FIP1L1: variants seen among roughly 807,000 people sequenced by gnomAD.
The protein encoded by FIP1L1 is factor interacting with PAPOLA and CPSF1, also known as pre-mRNA 3'-end-processing factor FIP1.
A neutral mutation model predicts 84.6 loss-of-function variants in FIP1L1; 21 were observed. That is an observed-to-expected ratio of 0.25 (90% CI 0.18 to 0.36). The LOEUF (loss-of-function observed/expected upper bound fraction) is 0.36, where lower values mean the gene tolerates loss of function less well. Ranked by LOEUF, FIP1L1 falls within the 10% of genes least tolerant of loss-of-function variation. FIP1L1 has a pLI of 1.00. For synonymous variants in FIP1L1, 263 were observed against 242.3 expected (o/e 1.09, Z -0.80); for missense variants, 526 against 751.1 (o/e 0.70, Z 3.50).
rs201475947 is a variant in FIP1L1 at position 53,452,905 on chromosome 4, G to T, written c.1286-15G>T. 2.4e-5 allele frequency: 39 copies of T among 1,608,052 alleles called. No individual in the cohort carries two copies. The highest frequency in any genetic ancestry group is 3.3e-5 in the Admixed American group (2 of 59,916). On this transcript the variant is annotated splice_polypyrimidine_tract_variant and intron_variant, in intron 15 of 17. Transcript: ENST00000337488. ...AGTACCATAACGTTTGTTTTTAATC[G>T]TGTTTTTTCTTTAGTTGCCTTTCCC...
chr4:53,451,164 T>C (rs1377058897), intron 15 of FIP1L1, among the ~76,000 whole-genome samples: 3 of 151,502 alleles, frequency 2.0e-5, no homozygotes, highest in African/African-American at 7.3e-5. Context: ...AGAGACAGGG[T>C]TTCACTATGT....
intron 13 of FIP1L1, among the ~76,000 whole-genome samples, chr4:53,434,829 C>T (rs577996182): frequency 6.6e-6 from 1 of 152,254 alleles, no homozygotes; most frequent in East Asian, 1.9e-4. Context: ...TCTCAGGGAC[C>T]TCCGGGAATT....
At chr4:53,397,490 C>T (rs1379477187) in intron 9 of FIP1L1, among the ~76,000 whole-genome samples, 1 of 152,154 alleles carries the variant, frequency 6.6e-6, no homozygotes, top group Non-Finnish European at 1.5e-5. Context: ...GATGTCTGTG[C>T]TGTTTTCTTC....
chr4:53,450,030 T>G (rs1410797678), intron 15 of FIP1L1, among the ~76,000 whole-genome samples: 1 of 152,166 alleles, frequency 6.6e-6, no homozygotes, highest in African/African-American at 2.4e-5. Flanking sequence ...AAAAACCAAC[T>G]TTCAGTTTTT....
chr4:53,391,899 A>G (rs999447911), intron 9 of FIP1L1, among the ~76,000 whole-genome samples: 1 of 152,214 alleles, frequency 6.6e-6, no homozygotes, highest in Non-Finnish European at 1.5e-5. Flanking sequence ...GTTTATCTCT[A>G]TGACACTTAT....
chr4:53,382,186 G>A (rs570690766), intron 3 of FIP1L1, 92 bp from the exon 4 acceptor site: 45 of 834,054 alleles, frequency 5.4e-5, no homozygotes, highest in Admixed American at 8.8e-5. Context: ...ATAATTTTAG[G>A]AGCTTTATTA....
chr4:53,425,786 CATTTT>C (rs1578774528), intron 11 of FIP1L1, 81 bp from the exon 12 acceptor site: 2 of 908,350 alleles, frequency 2.2e-6, no homozygotes, highest in East Asian at 5.4e-5. Context: ...ATTGCAAACA[CATTTT>C]GTTTTTATTT....
At chr4:53,441,923 C>G (rs1200996771) in intron 13 of FIP1L1, among the ~76,000 whole-genome samples, 1 of 151,922 alleles carries the variant, frequency 6.6e-6, no homozygotes, top group Non-Finnish European at 1.5e-5. Context: ...TTTTGGAAAT[C>G]TTTTTCTGCT....
intron 5 of FIP1L1, among the ~76,000 whole-genome samples, chr4:53,389,198 A>T (rs977403781): frequency 6.6e-6 from 1 of 152,162 alleles, no homozygotes; most frequent in African/African-American, 2.4e-5. Flanking sequence ...TGGACTGAGT[A>T]CTCCATGAAT....
At chr4:53,384,073 G>GC (rs1259495840) in intron 5 of FIP1L1, among the ~76,000 whole-genome samples, 197 bp downstream of exon 5, 4 of 152,254 alleles carry the variant, frequency 2.6e-5, no homozygotes, top group African/African-American at 9.6e-5. Flanking sequence ...GTACATAGAA[G>GC]CAGCAGTTTT....
intron 10 of FIP1L1, among the ~76,000 whole-genome samples, chr4:53,405,330 A>G (rs145257807): frequency 0.13 from 19,618 of 151,786 alleles, 2,528 homozygotes; most frequent in African/African-American, 0.32. Flanking sequence ...GACATGCGGC[A>G]TTATTTCTGA....
rs1721370628 is a variant in FIP1L1, at chr4:53,459,565, G to GAA, written c.*119_*120dup. 4 of 1,449,998 alleles carry GAA rather than the reference G, an allele frequency of 2.8e-6. No homozygotes were observed. Among genetic ancestry groups the GAA allele is most frequent in the African/African-American group, 1.4e-5 (1 of 69,902 alleles). 89.8% of individuals were successfully genotyped at this position (1,449,998 alleles called of 1,614,324 possible). ...TAAATCTTGTTCTGTTTGTTAGTAT[G>GAA]AAAAGTTAACTTTTTTTCCAAAATA... On this transcript the variant is annotated 3_prime_UTR_variant, in exon 18 of 18. Coordinates refer to ENST00000337488, the MANE Select transcript of FIP1L1 (RefSeq NM_030917.4).
At chr4:53,383,654 T>C in intron 4 of FIP1L1, 119 bp from the exon 5 acceptor site, 1 of 963,358 alleles carries the variant, frequency 1.0e-6, no homozygotes, top group South Asian at 1.8e-5. Context: ...AAAGTGAGAG[T>C]CTGTCTCAAG....
At chr4:53,443,121 C>T (rs1490723394) in intron 14 of FIP1L1, among the ~76,000 whole-genome samples, 1 of 152,054 alleles carries the variant, frequency 6.6e-6, no homozygotes, top group East Asian at 1.9e-4. Flanking sequence ...CTTGATACAC[C>T]ATCTCAGCTT....
chr4:53,410,877 G>T (rs1224113790), intron 10 of FIP1L1, among the ~76,000 whole-genome samples: 1 of 152,074 alleles, frequency 6.6e-6, no homozygotes, highest in African/African-American at 2.4e-5. Context: ...TGTACATATT[G>T]GGTTCAGTAC....
chr4:53,378,473 A>G (rs913129783), intron 1 of FIP1L1: 3 of 152,244 alleles, frequency 2.0e-5, no homozygotes, highest in African/African-American at 2.4e-5. Flanking sequence ...ATTAATTAAG[A>G]GAGAGAGAGA....
intron 3 of FIP1L1, among the ~76,000 whole-genome samples, chr4:53,380,568 T>C (rs1358705801): frequency 6.6e-6 from 1 of 152,150 alleles, no homozygotes; most frequent in Non-Finnish European, 1.5e-5. Context: ...TCAAAGCTGT[T>C]ACAACAAAAA....
intron 9 of FIP1L1, among the ~76,000 whole-genome samples, chr4:53,392,022 T>G (rs1486086696): frequency 6.6e-6 from 1 of 152,214 alleles, no homozygotes; most frequent in African/African-American, 2.4e-5. Context: ...CCATTGATTT[T>G]AAAAATTTGT....
chr4:53,414,657 A>G lies in FIP1L1; in HGVS notation c.858A>G (p.Arg286=). The G allele has an allele frequency of 6.2e-7, 1 of 1,613,556 alleles. No individual in the cohort carries two copies. The highest frequency in any genetic ancestry group is 1.1e-5 in the South Asian group (1 of 91,034). The part of the protein sequence containing the change: ...SSQSQTSTAS[R]KANSSVGKWQ... ...AGTCTCAGACAAGTACTGCCTCCAGAAAAGCCAATTCAAGCGTTGGGAAGT... is the reference window on the plus strand; with the variant it reads ...AGTCTCAGACAAGTACTGCCTCCAGGAAAGCCAATTCAAGCGTTGGGAAGT... The change falls in exon 11 of 18, where the codon AGA becomes AGG. Residue 286 remains arginine, a synonymous_variant. Coordinates refer to ENST00000337488, the MANE Select transcript of FIP1L1 (RefSeq NM_030917.4).
Sources: allele counts gnomAD v4.1 joint callset (sites outside exome capture counted in the v4.1 genomes callset), GRCh38; gene constraint gnomAD v4.1.1; transcripts MANE v1.5; gene names NCBI Gene and HGNC (gene_info 2026-07-23, HGNC 2026-07-21).